TTN: variants seen among roughly 807,000 people sequenced by gnomAD.
The protein encoded by TTN is connectin.
A neutral mutation model predicts 3,223.0 loss-of-function variants in TTN; 1,525 were observed. The observed-to-expected ratio is 0.47, with a 90% CI of 0.45 to 0.49. The LOEUF (loss-of-function observed/expected upper bound fraction) is 0.49. TTN is among the 20% of genes least tolerant of loss of function. The probability of loss-of-function intolerance (pLI) is 0.00; values close to 1 mark genes in which losing one functional copy is unlikely to be tolerated. For missense variants in TTN, 40,786 were observed against 43,424.0 expected (o/e 0.94, Z 5.40); for synonymous variants, 14,094 against 15,161.0 (o/e 0.93, Z 5.17).
rs776484795 is a variant in TTN, at chr2:178,704,236, A to C, written c.30134T>G (p.Leu10045Trp). 1.9e-6 allele frequency: 3 copies of C among 1,613,876 alleles called. No homozygotes were observed. The highest frequency in any genetic ancestry group is 2.5e-6 in the Non-Finnish European group (3 of 1,179,882). Residue 10045 changes from leucine to tryptophan, a missense_variant, in exon 106 of 363, where the codon TTG (leucine) becomes TGG (tryptophan). Transcript: ENST00000589042. ...TTCTGCTCGAACATCTGCAATGGTC[A>C]ATTTATGGACTTTGTGTTCCACTTC... is the stretch of plus-strand genomic sequence containing the variant. ...KTEVEHKVHK[L>W]TIADVRAEDQ...
Position 178,566,460 on chromosome 2 carries a change from C to T in TTN, c.79672G>A (p.Glu26558Lys), listed in dbSNP as rs1466993099. The change falls in exon 326 of 363, where the codon GAG becomes AAG. Residue 26558 changes from glutamate (E) to lysine (K), a missense_variant. Transcript: ENST00000589042. ...FEISKLTEHQ[E>K]YKIRVCALNK... ...AGGGCACAGACTCGTATTTTATACT[C>T]TTGGTGTTCAGTGAGTTTTGAAATT... 4 of 1,613,464 alleles carry T rather than the reference C, an allele frequency of 2.5e-6. No individual in the cohort carries two copies. Among genetic ancestry groups the T allele is most frequent in the Non-Finnish European group, 3.4e-6 (4 of 1,179,702 alleles).
In TTN at chr2:178,529,239, A is replaced by C; in HGVS notation, c.106532-20T>G. The C allele has an allele frequency of 4.9e-6, 7 of 1,426,710 alleles. No individual in the cohort carries two copies. The highest frequency in any genetic ancestry group is 6.4e-6 in the Non-Finnish European group (7 of 1,089,490). 88.4% of individuals were successfully genotyped at this position (1,426,710 alleles called of 1,614,324 possible). On this transcript the variant is annotated intron_variant, in intron 359 of 362. Transcript: ENST00000589042. Reference sequence around the variant, plus strand: ...TTATAGCTAAAAAAGAAACCTCTGTAAGGCAAACTTAATTAGAAAGAGACC... The same window carrying C: ...TTATAGCTAAAAAAGAAACCTCTGTCAGGCAAACTTAATTAGAAAGAGACC...
At chr2:178,536,645 AAAAG>A in intron 356 of TTN, 70 bp from the exon 357 acceptor site, 1 of 1,344,166 alleles carries the variant, frequency 7.4e-7, no homozygotes, top group Non-Finnish European at 9.8e-7. Context: ...ATTTTTTTAA[AAAAG>A]AATGTTATAT....
In TTN at chr2:178,664,508, C is replaced by T; in HGVS notation, c.36232G>A (p.Glu12078Lys). ...VPEALREVVP[E>K]KKVHPPQRAE... is the part of the protein sequence containing the mutation. Reference sequence around the variant, plus strand: ...CTTTGGGGAGGATGCACTTTCTTTTCCGGGACAACTTCTCTGAGAGCCTCC... The same window carrying T: ...CTTTGGGGAGGATGCACTTTCTTTTTCGGGACAACTTCTCTGAGAGCCTCC... Residue 12078 changes from glutamate (E) to lysine (K), a missense_variant, in exon 168 of 363, where the codon GAA becomes AAA. Glu to Lys is a moderately conservative substitution (Grantham distance 56). Transcript: ENST00000589042. The T allele has an allele frequency of 6.2e-7, 1 of 1,612,254 alleles. No homozygotes were observed. Among genetic ancestry groups the T allele is most frequent in the Non-Finnish European group, 8.5e-7 (1 of 1,179,496 alleles).
At position 178,553,360 on chromosome 2, in the gene TTN, G is replaced by T; in HGVS notation, c.89540C>A (p.Thr29847Asn). ...PEIDLDVALR[T>N]SVIAKAGEDV... ...TTCACCAGCTTTGGCAATAACAGAAGTTCTGAGAGCCACATCCAGGTCAAT... is the reference window on the plus strand; with the variant it reads ...TTCACCAGCTTTGGCAATAACAGAATTTCTGAGAGCCACATCCAGGTCAAT... The change falls in exon 335 of 363, where the codon ACT (threonine) becomes AAT (asparagine). Residue 29847 changes from threonine to asparagine, a missense_variant. By Grantham distance (65) the Thr-to-Asn change is moderately conservative. Transcript: ENST00000589042. 6.3e-7 allele frequency: 1 copy of T among 1,599,718 alleles called. No individual in the cohort carries two copies. Among genetic ancestry groups the T allele is most frequent in the Non-Finnish European group, 8.5e-7 (1 of 1,174,682 alleles).
intron 47 of TTN, chr2:178,748,093 T>A (rs2084191834): frequency 6.2e-7 from 1 of 1,613,176 alleles, no homozygotes; most frequent in African/African-American, 1.3e-5. Context: ...CCTCACTTGC[T>A]GCTTTTTTCA....
At chr2:178,685,060 A>C in intron 129 of TTN, 71 bp from the exon 130 acceptor site, 1 of 1,339,514 alleles carries the variant, frequency 7.5e-7, no homozygotes, top group Non-Finnish European at 1.0e-6. Context: ...GGGGCTTAGC[A>C]TTCACTTTTT....
rs767251580 is a variant in TTN at position 178,533,835 on chromosome 2, A to T, written c.102780T>A (p.Phe34260Leu). ...TMRLLERPPEFTLPLYNKTAY... is the reference protein window; with the variant it reads ...TMRLLERPPELTLPLYNKTAY... ...CTGTCTTATTATAGAGAGGCAGGGT[A>T]AATTCTGGTGGCCTTTCCAGGAGTC... The change falls in exon 358 of 363, where the codon TTT becomes TTA. Residue 34260 changes from phenylalanine (F) to leucine (L), a missense_variant. Coordinates refer to ENST00000589042, the MANE Select transcript of TTN (RefSeq NM_001267550.2). 6.2e-7 allele frequency: 1 copy of T among 1,613,848 alleles called. No homozygotes were observed. The highest frequency in any genetic ancestry group is 8.5e-7 in the Non-Finnish European group (1 of 1,179,864).
intron 150 of TTN, 55 bp downstream of exon 150, chr2:178,674,984 A>G: frequency 1.9e-6 from 2 of 1,076,172 alleles, no homozygotes; most frequent in Admixed American, 3.2e-5. Context: ...CAAATATTAG[A>G]CAATAATAAG....
In TTN at chr2:178,535,424, T is replaced by C. The variant is rs746383312; in HGVS notation, c.101191A>G (p.Thr33731Ala). Residue 33731 changes from threonine (T) to alanine (A), a missense_variant, in exon 358 of 363, where the codon ACT becomes GCT. Transcript: ENST00000589042. Reference protein sequence around the residue: ...ITNYIVEKCATTAERWLRVGQ... With the variant: ...ITNYIVEKCAATAERWLRVGQ... The stretch of plus-strand genomic sequence containing the variant: ...ACACGGAGCCATCTTTCTGCAGTAG[T>C]TGCACATTTTTCAACAATGTAGTTG... The C allele has an allele frequency of 6.2e-7, 1 of 1,613,916 alleles. No homozygotes were observed. Among genetic ancestry groups the C allele is most frequent in the Non-Finnish European group, 8.5e-7 (1 of 1,179,826 alleles).
At chr2:178,640,727 G>T (rs1016608193) in intron 220 of TTN, 97 bp from the exon 221 acceptor site, 4 of 993,136 alleles carry the variant, frequency 4.0e-6, no homozygotes, top group Non-Finnish European at 5.9e-6. Flanking sequence ...TCTATGGATG[G>T]TTTTTTAAAA....
Position 178,619,739 on chromosome 2 carries a change from C to T in TTN, c.46578G>A (p.Gln15526=). ...NMVVVQGDKH[Q]MMSEGKIHRL... ...GATGTATCTTTCCTTCACTCATCAT[C>T]TGGTGTTTATCACCCTGGACAACAA... Residue 15526 remains glutamine (Q), a synonymous_variant, in exon 250 of 363, where the codon CAG becomes CAA. Transcript: ENST00000589042. 6.2e-7 allele frequency: 1 copy of T among 1,612,482 alleles called. No homozygotes were observed. Among genetic ancestry groups the T allele is most frequent in the Non-Finnish European group, 8.5e-7 (1 of 1,178,940 alleles).
At chr2:178,708,357 A>G (rs1190994395) in intron 99 of TTN, among the ~76,000 whole-genome samples, 1 of 152,190 alleles carries the variant, frequency 6.6e-6, no homozygotes, top group Non-Finnish European at 1.5e-5. Flanking sequence ...TCTTAGCCCA[A>G]GGGAATTAGG....
chr2:178,764,290 A>G lies in TTN; in HGVS notation c.10001T>C (p.Val3334Ala). The G allele has an allele frequency of 1.5e-5, 24 of 1,614,054 alleles. 1 individual carries two copies. The highest frequency in any genetic ancestry group is 1.8e-5 in the Non-Finnish European group (21 of 1,179,988). Residue 3334 changes from valine to alanine, a missense_variant, in exon 43 of 363, where the codon GTG (valine) becomes GCG (alanine). Val to Ala is a moderately conservative substitution (Grantham distance 64). Transcript: ENST00000589042. ...AACAGGCATTTCCTGATCAGGAGACACAACTTCTGGAACTAAAGAAAGAAA... is the reference window on the plus strand; with the variant it reads ...AACAGGCATTTCCTGATCAGGAGACGCAACTTCTGGAACTAAAGAAAGAAA... ...ASLSVEVPEV[V>A]SPDQEMPVYP...
chr2:178,612,745 T>C (rs765079410), intron 265 of TTN, 28 bp downstream of exon 265: 3 of 1,580,980 alleles, frequency 1.9e-6, no homozygotes, highest in Non-Finnish European at 1.7e-6. Flanking sequence ...GAAGAATTTA[T>C]ATATCCCAGA....
chr2:178,534,432 G>A lies in TTN; in HGVS notation c.102183C>T (p.Arg34061=), dbSNP rs727504536. The A allele has an allele frequency of 1.1e-5, 17 of 1,612,318 alleles. No individual in the cohort carries two copies. The African/African-American group carries it at 2.0e-4, about 19-fold the overall frequency. The change falls in exon 358 of 363, where the codon CGC becomes CGT. Residue 34061 remains arginine (R), a synonymous_variant. Transcript: ENST00000589042. ...DRLLVKERKS[R]MTASEALQHP... is the part of the protein sequence containing the mutation. ...GCTGGAGAGCCTCCGATGCTGTCATGCGAGATTTCCTCTCTTTCACTAACA... is the reference window on the plus strand; with the variant it reads ...GCTGGAGAGCCTCCGATGCTGTCATACGAGATTTCCTCTCTTTCACTAACA...
At position 178,799,713 on chromosome 2, in the gene TTN, C is replaced by T. The variant is rs1574980368; in HGVS notation, c.688G>A (p.Asp230Asn). The change falls in exon 6 of 363, where the codon GAT becomes AAT. Residue 230 changes from aspartate to asparagine, a missense_variant. Physicochemically the swap from Asp to Asn is conservative, Grantham distance 23. Transcript: ENST00000589042. ...TCAACTGTTGCAATTGATCTGGCAT[C>T]AAAGTGGGCTTCAATCTTCTGTAAA... is the stretch of plus-strand genomic sequence containing the variant. ...RIEKKIEAHF[D>N]ARSIATVEMV... is the part of the protein sequence containing the mutation. 6.2e-7 allele frequency: 1 copy of T among 1,614,128 alleles called. No homozygotes were observed. Among genetic ancestry groups the T allele is most frequent in the Non-Finnish European group, 8.5e-7 (1 of 1,180,006 alleles).
chr2:178,689,738 A>G lies in TTN; in HGVS notation c.31846+75T>C, dbSNP rs1193581476. ...ATTCATTTAGAATTAAACTAACTCAATGAACAGATAATTAAACACAACATA... is the reference window on the plus strand; with the variant it reads ...ATTCATTTAGAATTAAACTAACTCAGTGAACAGATAATTAAACACAACATA... On this transcript the variant is annotated intron_variant, in intron 122 of 362. Transcript: ENST00000589042. The G allele has an allele frequency of 1.0e-5, 15 of 1,489,808 alleles. No individual in the cohort carries two copies. In the East Asian group the frequency reaches 2.0e-4, roughly 20 times the overall value. 92.3% of individuals were successfully genotyped at this position (1,489,808 alleles called of 1,614,324 possible).
chr2:178,617,557 C>CAATTT (rs746083105), intron 253 of TTN, 45 bp from the exon 254 acceptor site: 2 of 1,518,232 alleles, frequency 1.3e-6, no homozygotes, highest in Non-Finnish European at 1.8e-6. Flanking sequence ...ACGTTAGTGA[C>CAATTT]AATTTATGAA....
Sources: gnomAD v4.1 joint callset for allele counts (sites outside exome capture counted in the v4.1 genomes callset) on GRCh38, gnomAD v4.1.1 for gene constraint, MANE v1.5 for transcripts, NCBI Gene and HGNC (gene_info 2026-07-23, HGNC 2026-07-21) for gene names.